Variants in AFF1 observed in about 807,000 individuals in gnomAD.
The protein encoded by AFF1 is ALF transcription elongation factor 1.
A neutral mutation model predicts 121.7 loss-of-function variants in AFF1; 48 were observed. That is an observed-to-expected ratio of 0.39 (90% confidence interval 0.31 to 0.50). The LOEUF (loss-of-function observed/expected upper bound fraction) is 0.50, where lower values mean the gene tolerates loss of function less well. AFF1 is among the 20% of genes least tolerant of loss of function. The pLI, the probability that AFF1 is intolerant of heterozygous loss-of-function variation, is 0.76. For synonymous variants in AFF1, 613 were observed against 563.0 expected, an observed-to-expected ratio of 1.09 and a Z score of -1.26; for missense variants, 1,523 against 1,511.7, an observed-to-expected ratio of 1.01 and a Z score of -0.12.
At chr4:86,964,362 G>C (rs1000855797) in intron 2 of AFF1, among the ~76,000 whole-genome samples, 14 of 151,300 alleles carry the variant, frequency 9.3e-5, no homozygotes, top group African/African-American at 2.9e-4. Flanking sequence ...TGATCCGCCT[G>C]CCTTGGCCTC....
At chr4:87,067,860 A>T (rs1464332966) in intron 4 of AFF1, among the ~76,000 whole-genome samples, 1 of 152,214 alleles carries the variant, frequency 6.6e-6, no homozygotes, top group African/African-American at 2.4e-5. Context: ...AGCATGGTTC[A>T]ATGCTCAGTA....
intron 4 of AFF1, chr4:87,049,740 CT>C: frequency 2.2e-6 from 1 of 456,176 alleles, no homozygotes; most frequent in Non-Finnish European, 4.4e-6. Context: ...TACCAACTGC[CT>C]GGGAGCCCCG....
chr4:86,987,594 C>A (rs1724387849), intron 2 of AFF1, among the ~76,000 whole-genome samples: 1 of 152,192 alleles, frequency 6.6e-6, no homozygotes, highest in Non-Finnish European at 1.5e-5. Context: ...GAAGCAATAA[C>A]CACCAGAGAG....
intron 11 of AFF1, among the ~76,000 whole-genome samples, chr4:87,110,332 A>G (rs1309710338): frequency 1.3e-5 from 2 of 152,122 alleles, no homozygotes; most frequent in Non-Finnish European, 2.9e-5. Context: ...TATTCTTTGT[A>G]TTACAAACAA....
intron 2 of AFF1, among the ~76,000 whole-genome samples, chr4:87,038,028 A>C (rs1729741660): frequency 6.6e-6 from 1 of 152,208 alleles, no homozygotes; most frequent in Non-Finnish European, 1.5e-5. Context: ...TGGCAAACAG[A>C]AGTGAGTAGC....
intron 1 of AFF1, among the ~76,000 whole-genome samples, chr4:86,941,456 C>T (rs1015378008): frequency 1.2e-4 from 18 of 152,084 alleles, no homozygotes; most frequent in African/African-American, 3.9e-4. Flanking sequence ...GTCAGGAGTT[C>T]GAGTTGAGCC....
chr4:87,061,634 G>A (rs940359113), intron 4 of AFF1, among the ~76,000 whole-genome samples: 10 of 152,164 alleles, frequency 6.6e-5, no homozygotes, highest in Admixed American at 5.9e-4. Flanking sequence ...GCGCAATCCT[G>A]TTAGGCAGGG....
intron 2 of AFF1, among the ~76,000 whole-genome samples, chr4:87,015,186 A>G (rs1727175048): frequency 6.6e-6 from 1 of 152,252 alleles, no homozygotes; most frequent in Non-Finnish European, 1.5e-5. Flanking sequence ...ATTTTGACCT[A>G]GCAATTACAG....
intron 4 of AFF1, among the ~76,000 whole-genome samples, chr4:87,083,051 C>G (rs1723328224): frequency 6.6e-6 from 1 of 152,148 alleles, no homozygotes; most frequent in South Asian, 2.1e-4. Context: ...CCCATGATGC[C>G]TGGCTCATGA....
At chr4:86,947,512 T>C (rs748578044) in intron 1 of AFF1, among the ~76,000 whole-genome samples, 1 of 152,254 alleles carries the variant, frequency 6.6e-6, no homozygotes, top group African/African-American at 2.4e-5. Context: ...TTTCCATTTG[T>C]ATCAAATGGT....
intron 12 of AFF1, among the ~76,000 whole-genome samples, chr4:87,120,761 A>G (rs1237088100): frequency 3.3e-5 from 5 of 152,176 alleles, no homozygotes; most frequent in Admixed American, 2.0e-4. Flanking sequence ...AGATGCTCCC[A>G]TCTTCCTTCA....
chr4:87,038,542 A>T (rs573478647), intron 2 of AFF1, among the ~76,000 whole-genome samples: 1 of 152,326 alleles, frequency 6.6e-6, no homozygotes, highest in South Asian at 2.1e-4. Flanking sequence ...GAAAGTTGAG[A>T]TGTGGCTTTT....
At chr4:87,001,426 C>T (rs902545560) in intron 2 of AFF1, among the ~76,000 whole-genome samples, 1 of 151,846 alleles carries the variant, frequency 6.6e-6, no homozygotes, top group Middle Eastern at 3.2e-3. Context: ...CCGTGTTAGC[C>T]AGGATGGTCT....
intron 2 of AFF1, among the ~76,000 whole-genome samples, chr4:86,956,409 C>T (rs1343976244): frequency 6.6e-6 from 1 of 152,304 alleles, no homozygotes; most frequent in East Asian, 1.9e-4. Context: ...ATAGTATTTA[C>T]TCTTCTACAA....
intron 14 of AFF1, among the ~76,000 whole-genome samples, chr4:87,126,588 G>GT (rs1728271720): frequency 6.6e-6 from 1 of 152,182 alleles, no homozygotes. Context: ...TTTTGTGCTA[G>GT]TTTTTGTTAG....
intron 4 of AFF1, among the ~76,000 whole-genome samples, chr4:87,074,035 C>T (rs1238945630): frequency 1.3e-5 from 2 of 151,884 alleles, no homozygotes; most frequent in Admixed American, 6.6e-5. Context: ...GGGCAGGAAG[C>T]ATGTGACAGA....
chr4:87,067,939 T>C (rs948702637), intron 4 of AFF1, among the ~76,000 whole-genome samples: 1 of 152,204 alleles, frequency 6.6e-6, no homozygotes, highest in Non-Finnish European at 1.5e-5. Context: ...AGTAAAGTTT[T>C]ATGGGTAGTA....
chr4:87,128,397 T>G (rs375415660), intron 16 of AFF1, among the ~76,000 whole-genome samples: 1 of 152,256 alleles, frequency 6.6e-6, no homozygotes, highest in Non-Finnish European at 1.5e-5. Flanking sequence ...AATGAGATAA[T>G]GTTTGCCCTT....
chr4:87,015,126 C>T (rs571144361), intron 2 of AFF1, among the ~76,000 whole-genome samples: 12 of 152,244 alleles, frequency 7.9e-5, no homozygotes, highest in Middle Eastern at 3.4e-3. Flanking sequence ...AAAGGATAGT[C>T]ATTGGTATAA....
Sources: gnomAD v4.1 joint callset for allele counts (sites outside exome capture counted in the v4.1 genomes callset) on GRCh38, gnomAD v4.1.1 for gene constraint, MANE v1.5 for transcripts, NCBI Gene and HGNC (gene_info 2026-07-23, HGNC 2026-07-21) for gene names.